The following WNT8A variants were observed in gnomAD, a reference collection of about 807,000 sequenced individuals.
WNT8A encodes the protein protein Wnt-8a.
In WNT8A, 14 loss-of-function variants were observed where a neutral mutation model predicts 20.5. That is an observed-to-expected ratio of 0.68 (90% CI 0.45 to 1.07). The LOEUF (loss-of-function observed/expected upper bound fraction) is 1.07. WNT8A is among the 50% of genes least tolerant of loss of function. The pLI, the probability that WNT8A is intolerant of heterozygous loss-of-function variation, is 0.00. For missense variants in WNT8A, 397 were observed against 462.9 expected (o/e 0.86, Z 1.31); for synonymous variants, 167 against 169.2 (o/e 0.99, Z 0.10).
chr5:138,088,918 T>C lies in WNT8A; in HGVS notation c.422-9T>C, dbSNP rs370082804. 29 of 1,613,068 alleles carry C rather than the reference T, an allele frequency of 1.8e-5. No homozygotes were observed. Among genetic ancestry groups the C allele is most frequent in the Middle Eastern group, 3.3e-4 (2 of 5,994 alleles). On this transcript the variant is annotated splice_polypyrimidine_tract_variant and intron_variant, in intron 3 of 4. Coordinates refer to ENST00000506684, the MANE Select transcript of WNT8A (RefSeq NM_001300939.2). ...CTACACGGAGAACTTATTCTGTCCT[T>C]GTATATAGGAGGCCATGGCTGGATC...
In WNT8A at chr5:138,091,254, G is replaced by A; in HGVS notation, c.*181G>A. On this transcript the variant is annotated 3_prime_UTR_variant, in exon 5 of 5. Transcript: ENST00000506684. ...GATTCTACAGCATATTCCTGGCGGG[G>A]CTGAAATTGGAACCTGGGCCTCCTG... The A allele has an allele frequency of 6.4e-7, 1 of 1,571,532 alleles. No homozygotes were observed. Among genetic ancestry groups the A allele is most frequent in the South Asian group, 1.1e-5 (1 of 88,224 alleles).
At chr5:138,088,209 T>C (rs549705350) in intron 3 of WNT8A, among the ~76,000 whole-genome samples, 1 of 152,304 alleles carries the variant, frequency 6.6e-6, no homozygotes, top group South Asian at 2.1e-4. Flanking sequence ...AGGCTTGGAA[T>C]GGTTCATCCA....
upstream of WNT8A, among the ~76,000 whole-genome samples, chr5:138,081,562 T>G (rs1029019614): frequency 3.9e-5 from 6 of 152,028 alleles, no homozygotes; most frequent in South Asian, 4.2e-4. Flanking sequence ...ATTAGATTCT[T>G]GATTGGGAAA....
upstream of WNT8A, among the ~76,000 whole-genome samples, chr5:138,079,710 C>T (rs982755936): frequency 2.6e-5 from 4 of 152,146 alleles, no homozygotes; most frequent in Non-Finnish European, 5.9e-5. Context: ...ATCTTCTGTT[C>T]TAGTCTTCAG....
chr5:138,089,925 G>A (rs57093012), intron 4 of WNT8A, among the ~76,000 whole-genome samples: 2,428 of 152,244 alleles, frequency 0.016, 70 homozygotes, highest in African/African-American at 0.055. Context: ...GCCTCCCAAC[G>A]TCTTGGAATT....
intron 4 of WNT8A, among the ~76,000 whole-genome samples, chr5:138,089,580 T>G (rs1185349775): frequency 6.6e-6 from 1 of 152,104 alleles, no homozygotes; most frequent in Admixed American, 6.5e-5. Context: ...ACAAGTTGGA[T>G]TTAGAGCCAA....
At chr5:138,085,764 G>A (rs1022632993) in intron 2 of WNT8A, among the ~76,000 whole-genome samples, 3 of 150,664 alleles carry the variant, frequency 2.0e-5, no homozygotes, top group Non-Finnish European at 4.4e-5. Flanking sequence ...TGAGTTGGGA[G>A]GATTTCTGGA....
At chr5:138,084,674 T>A in intron 2 of WNT8A, 38 bp downstream of exon 2, 1 of 1,566,618 alleles carries the variant, frequency 6.4e-7, no homozygotes, top group Non-Finnish European at 8.7e-7. Context: ...AAGGGGTATA[T>A]ATGTGAATGG....
At chr5:138,080,150 C>T (rs935532272), upstream of WNT8A, among the ~76,000 whole-genome samples, 3 of 151,934 alleles carry the variant, frequency 2.0e-5, no homozygotes, top group African/African-American at 7.3e-5. Context: ...CGGTGAAACC[C>T]AGTCTCTTCT....
At chr5:138,088,529 TG>T (rs1750745333) in intron 3 of WNT8A, among the ~76,000 whole-genome samples, 1 of 152,040 alleles carries the variant, frequency 6.6e-6, no homozygotes, top group South Asian at 2.1e-4. Flanking sequence ...GCTAATTTTT[TG>T]TATTTTTAGT....
At chr5:138,085,086 A>G (rs1460321648) in intron 2 of WNT8A, among the ~76,000 whole-genome samples, 1 of 152,026 alleles carries the variant, frequency 6.6e-6, no homozygotes, top group African/African-American at 2.4e-5. Flanking sequence ...ACAGGCATGC[A>G]ACATGCCTGG....
chr5:138,081,697 G>A (rs926503961), upstream of WNT8A, among the ~76,000 whole-genome samples: 4 of 151,992 alleles, frequency 2.6e-5, no homozygotes, highest in Admixed American at 6.6e-5. Context: ...GAGAGCTTGC[G>A]GGGGGCTGGG....
Position 138,091,268 on chromosome 5 carries a change from C to T in WNT8A, c.*195C>T, listed in dbSNP as rs1750847026. Reference sequence around the variant, plus strand: ...TTCCTGGCGGGGCTGAAATTGGAACCTGGGCCTCCTGACTTTGGCAGACCC... The same window carrying T: ...TTCCTGGCGGGGCTGAAATTGGAACTTGGGCCTCCTGACTTTGGCAGACCC... On this transcript the variant is annotated 3_prime_UTR_variant, in exon 5 of 5. Coordinates refer to ENST00000506684, the MANE Select transcript of WNT8A (RefSeq NM_001300939.2). 2 of 1,570,714 alleles carry T rather than the reference C, an allele frequency of 1.3e-6. No individual in the cohort carries two copies. Among genetic ancestry groups the T allele is most frequent in the Non-Finnish European group, 1.7e-6 (2 of 1,165,316 alleles).
chr5:138,087,806 C>T lies in WNT8A; in HGVS notation c.296C>T (p.Ala99Val). ...GTCAGTTCCCTCTCTCTCTCCAAAG[C>T]TACCAGAGAGACTTCCTTCATACAT... ...QLSTHNRLRS[A>V]TRETSFIHAI... The change falls in exon 3 of 5, where the codon GCT (alanine) becomes GTT (valine). Residue 99 changes from alanine to valine, a missense_variant and splice_region_variant. By Grantham distance (64) the Ala-to-Val change is moderately conservative. Coordinates refer to ENST00000506684, the MANE Select transcript of WNT8A (RefSeq NM_001300939.2). 6.2e-7 allele frequency: 1 copy of T among 1,613,670 alleles called. No individual in the cohort carries two copies. The highest frequency in any genetic ancestry group is 8.5e-7 in the Non-Finnish European group (1 of 1,179,734).
At chr5:138,087,258 G>C (rs913182798) in intron 2 of WNT8A, among the ~76,000 whole-genome samples, 1 of 151,908 alleles carries the variant, frequency 6.6e-6, no homozygotes, top group Non-Finnish European at 1.5e-5. Flanking sequence ...TGAGGCAGGA[G>C]AATCGCTTGA....
chr5:138,087,649 CAAAAAAAAAA>C (rs66902804), intron 2 of WNT8A, among the ~76,000 whole-genome samples, 147 bp from the exon 3 acceptor site: 4 of 70,244 alleles, frequency 5.7e-5, no homozygotes, highest in East Asian at 4.7e-4. Flanking sequence ...GAGCGAGTCT[CAAAAAAAAAA>C]AAAAAAAAAA....
chr5:138,081,221 G>A (rs1462018240), upstream of WNT8A, among the ~76,000 whole-genome samples: 13 of 37,524 alleles, frequency 3.5e-4, no homozygotes, highest in East Asian at 8.0e-3. Flanking sequence ...GCGAGACTCT[G>A]TCTCAAAAAA....
chr5:138,080,962 C>T (rs189635427), upstream of WNT8A, among the ~76,000 whole-genome samples: 79 of 152,256 alleles, frequency 5.2e-4, 1 homozygote, highest in Admixed American at 1.7e-3. Context: ...TATGATCTTG[C>T]CGGGCGCAGT....
downstream of WNT8A, among the ~76,000 whole-genome samples, chr5:138,091,939 A>G (rs763013990): frequency 6.5e-4 from 86 of 133,300 alleles, no homozygotes; most frequent in Non-Finnish European, 1.2e-3. Flanking sequence ...ACCCAGTATA[A>G]CCTGGGGGTT....
Sources: gnomAD v4.1 joint callset for allele counts (sites outside exome capture counted in the v4.1 genomes callset) on GRCh38, gnomAD v4.1.1 for gene constraint, MANE v1.5 for transcripts, NCBI Gene and HGNC (gene_info 2026-07-23, HGNC 2026-07-21) for gene names.